The following ZP3 variants were observed in gnomAD, a reference collection of about 807,000 sequenced individuals.
ZP3 encodes zona pellucida glycoprotein 3.
ZP3 carries 21 observed loss-of-function variants against 35.6 expected under a neutral mutation model. That is an observed-to-expected ratio of 0.59 (90% CI 0.42 to 0.85). The LOEUF is 0.85. ZP3 is among the 40% of genes least tolerant of loss of function. The pLI is 0.00. For synonymous variants in ZP3, 207 were observed against 214.5 expected, an observed-to-expected ratio of 0.96 and a Z score of 0.31; for missense variants, 437 against 536.5, an observed-to-expected ratio of 0.81 and a Z score of 1.83.
upstream of ZP3, among the ~76,000 whole-genome samples, chr7:76,422,939 G>A (rs1174923349): frequency 6.6e-6 from 1 of 150,792 alleles, no homozygotes; most frequent in African/African-American, 2.4e-5. Flanking sequence ...GGAGGTTGCA[G>A]TGAGTCGAGA....
At chr7:76,425,413 G>A in intron 1 of ZP3, 137 bp downstream of exon 1, 1 of 956,386 alleles carries the variant, frequency 1.0e-6, no homozygotes, top group East Asian at 2.6e-5. Flanking sequence ...GCCCAGTTGA[G>A]GCCTGAAGCT....
In ZP3 at chr7:76,433,724, A is replaced by T. The variant is rs1467845713; in HGVS notation, c.713+77A>T. On this transcript the variant is annotated intron_variant, in intron 4 of 7. Coordinates refer to ENST00000394857, the MANE Select transcript of ZP3 (RefSeq NM_001110354.2). The stretch of plus-strand genomic sequence containing the variant: ...AGCCACCTGTTTGGCTTTTTGAGAC[A>T]GTGTCACTCTGTAACCCAGGCTGGA... 4 of 1,439,520 alleles carry T rather than the reference A, an allele frequency of 2.8e-6. No homozygotes were observed. The African/African-American group carries it at 4.3e-5, about 15-fold the overall frequency. 89.2% of individuals were successfully genotyped at this position (1,439,520 alleles called of 1,614,324 possible).
chr7:76,416,879 CACAT>C (rs780143772), intron 1 of ZP3, among the ~76,000 whole-genome samples: 5 of 142,572 alleles, frequency 3.5e-5, no homozygotes, highest in Admixed American at 7.0e-5. Context: ...CATATATACA[CACAT>C]ACATATATAT....
upstream of ZP3, chr7:76,424,823 G>A (rs1805599049): frequency 1.4e-6 from 1 of 714,834 alleles, no homozygotes; most frequent in Admixed American, 2.9e-5. Context: ...TGATGCTTCT[G>A]GATGGAGACC....
At chr7:76,434,812 C>G (rs1805941515) in intron 5 of ZP3, among the ~76,000 whole-genome samples, 1 of 149,780 alleles carries the variant, frequency 6.7e-6, no homozygotes, top group Non-Finnish European at 1.5e-5. Context: ...TGACTGGGCC[C>G]CAACCCAGGG....
At chr7:76,437,497 T>C (rs75550737) in intron 5 of ZP3, among the ~76,000 whole-genome samples, 21,139 of 142,956 alleles carry the variant, frequency 0.15, 1 homozygote, top group South Asian at 0.22. Flanking sequence ...TGTTTTTTTT[T>C]GGGGGGAAAT....
At chr7:76,440,704 C>T in intron 7 of ZP3, 93 bp downstream of exon 7, 2 of 1,531,446 alleles carry the variant, frequency 1.3e-6, no homozygotes, top group Non-Finnish European at 1.8e-6. Context: ...TTTCCCTTGT[C>T]CTCCATTAAA....
At chr7:76,406,049 G>C (rs1204879774) in intron 1 of ZP3, among the ~76,000 whole-genome samples, 1 of 151,560 alleles carries the variant, frequency 6.6e-6, no homozygotes, top group African/African-American at 2.4e-5. Flanking sequence ...GCAATGGTGC[G>C]ATCTCCGTTC....
intron 1 of ZP3, chr7:76,398,594 C>G (rs561005093): frequency 2.0e-5 from 22 of 1,102,598 alleles, no homozygotes; most frequent in Non-Finnish European, 3.0e-5. Flanking sequence ...TGTGAGCCAC[C>G]ATGCCCAGCC....
At chr7:76,412,607 T>A (rs1805275774) in intron 1 of ZP3, among the ~76,000 whole-genome samples, 1 of 152,192 alleles carries the variant, frequency 6.6e-6, no homozygotes, top group South Asian at 2.1e-4. Context: ...CCCAGCACTT[T>A]GGGAGGTCGA....
intron 5 of ZP3, among the ~76,000 whole-genome samples, chr7:76,435,537 G>A (rs1805967624): frequency 6.6e-6 from 1 of 152,262 alleles, no homozygotes; most frequent in Non-Finnish European, 1.5e-5. Context: ...GATTAAAGTA[G>A]GGGTTTCCAG....
In ZP3 at chr7:76,434,127, T is replaced by G; in HGVS notation, c.803T>G (p.Phe268Cys). Residue 268 changes from phenylalanine to cysteine, a missense_variant, in exon 5 of 8, where the codon TTC becomes TGC. Around this residue, in one of 6 missense-constraint regions of ZP3, gnomAD observed 26 missense variants for 78.2 expected, o/e 0.33. Transcript: ENST00000394857. ...PDTLQFTVDV[F>C]HFANDSRNMI... ...ACACTCCAGTTCACAGTGGATGTCT[T>G]CCACTTTGCTAATGACTCCAGAAAC... 7.4e-7 allele frequency: 1 copy of G among 1,353,740 alleles called. No individual in the cohort carries two copies. Among genetic ancestry groups the G allele is most frequent in the Non-Finnish European group, 1.0e-6 (1 of 975,630 alleles). The allele number at this position is 1,353,740 out of a possible 1,614,324, so 83.9% of individuals were successfully genotyped here.
chr7:76,431,480 C>G (rs190371226), intron 2 of ZP3, among the ~76,000 whole-genome samples: 2 of 152,234 alleles, frequency 1.3e-5, no homozygotes, highest in East Asian at 3.9e-4. Flanking sequence ...TCCAGCAGAT[C>G]CTATGGGGTT....
chr7:76,441,734 C>G lies in ZP3; in HGVS notation c.1061-108C>G, dbSNP rs1422273732. On this transcript the variant is annotated intron_variant, in intron 7 of 7. Transcript: ENST00000394857. ...TCTAGAAACTGTTTATTAGCCCACA[C>G]AAAAAAGACAACATATTAGTTTAGC... 2.7e-6 allele frequency: 3 copies of G among 1,123,268 alleles called. No homozygotes were observed. In the African/African-American group the frequency reaches 4.6e-5, roughly 17 times the overall value. 69.6% of individuals were successfully genotyped at this position (1,123,268 alleles called of 1,614,324 possible).
At chr7:76,416,266 A>G (rs1805368898) in intron 1 of ZP3, among the ~76,000 whole-genome samples, 1 of 151,114 alleles carries the variant, frequency 6.6e-6, no homozygotes, top group Admixed American at 6.6e-5. Context: ...TGGCTCTACA[A>G]AAAAATACAA....
chr7:76,433,034 A>G lies in ZP3; in HGVS notation c.535+4A>G. ...TTCTCTCTGCGTCTGATGGAGGGTA[A>G]GAGAAGAAGGCTGGGTGGGACATCT... On this transcript the variant is annotated splice_donor_region_variant and intron_variant, in intron 3 of 7. Coordinates refer to ENST00000394857, the MANE Select transcript of ZP3 (RefSeq NM_001110354.2). 6.2e-7 allele frequency: 1 copy of G among 1,612,402 alleles called. No homozygotes were observed. The highest frequency in any genetic ancestry group is 8.5e-7 in the Non-Finnish European group (1 of 1,178,956).
chr7:76,436,041 T>C (rs1584070695), intron 5 of ZP3, among the ~76,000 whole-genome samples: 588 of 26,230 alleles, frequency 0.022, no homozygotes, highest in Middle Eastern at 0.069. Flanking sequence ...TTTTTTTTTT[T>C]TTTTTTTTTT....
At position 76,429,451 on chromosome 7, in the gene ZP3, G is replaced by A; in HGVS notation, c.313-64G>A. The A allele has an allele frequency of 3.3e-6, 5 of 1,531,164 alleles. No homozygotes were observed. In the South Asian group the frequency reaches 4.5e-5, roughly 14 times the overall value. 94.8% of individuals were successfully genotyped at this position (1,531,164 alleles called of 1,614,324 possible). Reference sequence around the variant, plus strand: ...TGGGCTGCCCTCCCTGAGCACTCAGGTATGGCTTGGGAGTACCCGGGCAGG... The same window carrying A: ...TGGGCTGCCCTCCCTGAGCACTCAGATATGGCTTGGGAGTACCCGGGCAGG... On this transcript the variant is annotated intron_variant, in intron 1 of 7. Coordinates refer to ENST00000394857, the MANE Select transcript of ZP3 (RefSeq NM_001110354.2).
intron 1 of ZP3, among the ~76,000 whole-genome samples, chr7:76,403,120 G>C (rs1380323081): frequency 2.6e-5 from 4 of 152,192 alleles, no homozygotes; most frequent in Non-Finnish European, 5.9e-5. Flanking sequence ...AGACTACCCA[G>C]ACAGCCACAC....
Sources: allele counts gnomAD v4.1 joint callset (sites outside exome capture counted in the v4.1 genomes callset), GRCh38; gene constraint gnomAD v4.1.1; regional missense constraint gnomAD v4.1.1; transcripts MANE v1.5; gene names NCBI Gene and HGNC (gene_info 2026-07-23, HGNC 2026-07-21).